Variants in PTPRG observed in about 807,000 individuals in gnomAD.
PTPRG encodes the protein protein tyrosine phosphatase receptor type G.
PTPRG carries 102 observed loss-of-function variants against 165.3 expected under a neutral mutation model. The observed-to-expected ratio is 0.62, with a 90% confidence interval of 0.53 to 0.73. PTPRG has a LOEUF of 0.73. Ranked by LOEUF, PTPRG falls within the 30% of genes least tolerant of loss-of-function variation. PTPRG has a pLI of 0.00. For missense variants in PTPRG, 1,866 were observed against 1,861.4 expected, an observed-to-expected ratio of 1.00 and a Z score of -0.05; for synonymous variants, 675 against 669.5, an observed-to-expected ratio of 1.01 and a Z score of -0.13.
chr3:61,759,707 T>C (rs1483056332), intron 2 of PTPRG, among the ~76,000 whole-genome samples: 1 of 152,090 alleles, frequency 6.6e-6, no homozygotes, highest in Non-Finnish European at 1.5e-5. Flanking sequence ...GTAGTATTCA[T>C]TGGCATTTTT....
At chr3:62,141,511 G>A (rs1237742103) in intron 6 of PTPRG, among the ~76,000 whole-genome samples, 1 of 152,064 alleles carries the variant, frequency 6.6e-6, no homozygotes, top group East Asian at 1.9e-4. Flanking sequence ...GAGGTGGGAG[G>A]ATCGCTTGAG....
rs1452181095 is a variant in PTPRG at position 62,235,474 on chromosome 3, C to T, written c.2375+4163C>T. ...CATCAAAATGTGGTTTCTGAAGAGA[C>T]CTTTTCTCTCCTATCTCCTGGAAAG... On this transcript the variant is annotated intron_variant, in intron 14 of 29. Coordinates refer to ENST00000474889, the MANE Select transcript of PTPRG (RefSeq NM_002841.4). 5.3e-5 allele frequency among the ~76,000 whole-genome samples: 8 copies of T among 152,174 alleles called. No individual in the cohort carries two copies. In the South Asian group the frequency reaches 1.2e-3, roughly 24 times the overall value.
chr3:61,666,452 C>CTGTTACTA (rs1702815764), intron 1 of PTPRG, among the ~76,000 whole-genome samples: 1 of 152,202 alleles, frequency 6.6e-6, no homozygotes, highest in Non-Finnish European at 1.5e-5. Context: ...CAGTTCTCTG[C>CTGTTACTA]TGTTACTATG....
chr3:62,254,716 T>C lies in PTPRG; in HGVS notation c.2468-408T>C, dbSNP rs963708110. Among the ~76,000 whole-genome samples the C allele has an allele frequency of 2.0e-5, 3 of 151,988 alleles. No individual in the cohort carries two copies. The highest frequency in any genetic ancestry group is 4.4e-5 in the Non-Finnish European group (3 of 67,992). On this transcript the variant is annotated intron_variant, in intron 15 of 29. Transcript: ENST00000474889. This position sits in a 1 kb window ranked among gnomAD's most constrained non-coding sequence, Gnocchi z 4.6. ...TGCTTAAAGTTCAAGCTGGACTCCA[T>C]TGAACAGCAATTAAAAAAAAACAAC...
In PTPRG at chr3:62,120,322, T is replaced by C. The variant is rs187100735; in HGVS notation, c.616-12280T>C. Among the ~76,000 whole-genome samples, 551 of 74,248 alleles carry C rather than the reference T, an allele frequency of 7.4e-3. 5 individuals carry two copies. The highest frequency in any genetic ancestry group is 0.02 in the African/African-American group (535 of 27,104). The allele number at this position is 74,248 out of a possible 152,430, so 48.7% of individuals were successfully genotyped here. A position where few individuals can be genotyped will look rare whatever the true frequency, so the allele number is the denominator to read the frequency against. On this transcript the variant is annotated intron_variant, in intron 5 of 29. Transcript: ENST00000474889. ...GTGGTGGTCATATTTAAGATGCATTTAGGAGGTAGAATCTTCCAGAATTTT... is the reference window on the plus strand; with the variant it reads ...GTGGTGGTCATATTTAAGATGCATTCAGGAGGTAGAATCTTCCAGAATTTT...
At chr3:62,197,912 G>C (rs535693989) in intron 10 of PTPRG, among the ~76,000 whole-genome samples, 2 of 152,304 alleles carry the variant, frequency 1.3e-5, no homozygotes, top group East Asian at 3.9e-4. Flanking sequence ...AGAGGTGGAC[G>C]TGAGTTTACT....
chr3:61,977,924 T>C (rs532919047), intron 2 of PTPRG, among the ~76,000 whole-genome samples: 1 of 152,318 alleles, frequency 6.6e-6, no homozygotes, highest in Non-Finnish European at 1.5e-5. Flanking sequence ...TTAATTTGAG[T>C]TTAAAGAGGT....
In PTPRG at chr3:61,688,702, A is replaced by G. The variant is rs35927006; in HGVS notation, c.86-60176A>G. Among the ~76,000 whole-genome samples, 1,173 of 152,346 alleles carry G rather than the reference A, an allele frequency of 7.7e-3. 11 individuals are homozygous for G. Among genetic ancestry groups the G allele is most frequent in the Non-Finnish European group, 0.014 (955 of 68,030 alleles). ...CTTAACGCTTATGTTTGCAAAATTC[A>G]ATAGTCAGTACCCTTGTCAGCTGCT... On this transcript the variant is annotated intron_variant, in intron 1 of 29. Transcript: ENST00000474889.
intron 2 of PTPRG, among the ~76,000 whole-genome samples, chr3:61,792,673 TTTCTTTCTTTCTTTC>T (rs2034914546): frequency 0.016 from 2 of 126 alleles, no homozygotes; most frequent in Non-Finnish European, 0.033. Flanking sequence ...GTGGGTTTTC[TTTCTTTCTTTCTTTC>T]TTTCTTTCTT....
chr3:61,727,759 A>G (rs1364010762), intron 1 of PTPRG, among the ~76,000 whole-genome samples: 1 of 152,216 alleles, frequency 6.6e-6, no homozygotes, highest in African/African-American at 2.4e-5. Context: ...AAGTCAAACA[A>G]TGGTATGTTC....
chr3:62,201,453 T>G, intron 10 of PTPRG, 52 bp from the exon 11 acceptor site: 1 of 1,438,132 alleles, frequency 7.0e-7, no homozygotes, highest in South Asian at 1.3e-5. Flanking sequence ...AATATCTTGT[T>G]AGAGCCACAA....
At chr3:61,990,363 T>C (rs541394513) in intron 3 of PTPRG, among the ~76,000 whole-genome samples, 4 of 152,316 alleles carry the variant, frequency 2.6e-5, no homozygotes, top group African/African-American at 9.6e-5. Flanking sequence ...AGATTTTGCT[T>C]TATTAATATT....
chr3:61,677,137 CGA>C (rs1219205355), intron 1 of PTPRG, among the ~76,000 whole-genome samples: 2 of 150,958 alleles, frequency 1.3e-5, no homozygotes, highest in East Asian at 3.9e-4. Flanking sequence ...CCCAGCTACT[CGA>C]GAGGCTGAGG....
chr3:61,838,787 C>G (rs2036540341), intron 2 of PTPRG, among the ~76,000 whole-genome samples: 1 of 152,180 alleles, frequency 6.6e-6, no homozygotes, highest in African/African-American at 2.4e-5. Flanking sequence ...CTTTCTCTTG[C>G]TAAAACTGTC....
intron 8 of PTPRG, among the ~76,000 whole-genome samples, chr3:62,172,621 A>G (rs943905253): frequency 4.6e-5 from 7 of 152,208 alleles, no homozygotes; most frequent in Non-Finnish European, 8.8e-5. Flanking sequence ...AGGCCAAAAG[A>G]TGCTGACACA....
intron 2 of PTPRG, among the ~76,000 whole-genome samples, chr3:61,972,146 A>G (rs1331171830): frequency 6.6e-6 from 1 of 152,254 alleles, no homozygotes; most frequent in Non-Finnish European, 1.5e-5. Context: ...GGTCTTATTG[A>G]TAAAGTGACA....
chr3:61,855,276 T>G (rs2037068164), intron 2 of PTPRG, among the ~76,000 whole-genome samples: 1 of 152,194 alleles, frequency 6.6e-6, no homozygotes, highest in Non-Finnish European at 1.5e-5. Flanking sequence ...TTTCCTTTTC[T>G]TGTAGGAATT....
At chr3:62,106,577 C>T (rs539125282) in intron 5 of PTPRG, among the ~76,000 whole-genome samples, 6 of 151,512 alleles carry the variant, frequency 4.0e-5, no homozygotes, top group Non-Finnish European at 7.4e-5. Context: ...CACGGTTCAC[C>T]GCAGCCTTGA....
At chr3:61,951,041 T>C (rs1255352967) in intron 2 of PTPRG, among the ~76,000 whole-genome samples, 3 of 152,214 alleles carry the variant, frequency 2.0e-5, no homozygotes, top group South Asian at 2.1e-4. Context: ...GGTTAAAATA[T>C]CATTTTCGTA....
Sources: allele counts gnomAD v4.1 joint callset (sites outside exome capture counted in the v4.1 genomes callset), GRCh38; gene constraint gnomAD v4.1.1; non-coding constraint Gnocchi (gnomAD v3.1); transcripts MANE v1.5; gene names NCBI Gene and HGNC (gene_info 2026-07-23, HGNC 2026-07-21).